Variants in PREP observed in about 807,000 individuals in gnomAD.
PREP encodes the protein prolyl endopeptidase, also known as dJ355L5.1 (prolyl endopeptidase).
Under a neutral mutation model 87.6 loss-of-function variants are expected in PREP, and 29 were observed. The ratio of observed to expected loss-of-function variants is 0.33; its 90% CI spans 0.25 to 0.45. The LOEUF (loss-of-function observed/expected upper bound fraction) is 0.45, where lower values mean the gene tolerates loss of function less well. PREP is among the 20% of genes least tolerant of loss of function. PREP has a pLI of 1.00. For synonymous variants in PREP, 337 were observed against 328.6 expected, an observed-to-expected ratio of 1.03 and a Z score of -0.28; for missense variants, 695 against 886.5, an observed-to-expected ratio of 0.78 and a Z score of 2.74.
intron 9 of PREP, among the ~76,000 whole-genome samples, chr6:105,327,359 C>T (rs1254551031): frequency 2.6e-5 from 4 of 152,188 alleles, no homozygotes; most frequent in Non-Finnish European, 5.9e-5. Context: ...ACGGTCACTT[C>T]CTGGCTTCTG....
At chr6:105,279,674 AC>A (rs1770031765) in intron 14 of PREP, among the ~76,000 whole-genome samples, 2 of 152,204 alleles carry the variant, frequency 1.3e-5, no homozygotes, top group African/African-American at 4.8e-5. Context: ...TCCCTGTAGG[AC>A]CCTTCCTAGC....
intron 7 of PREP, among the ~76,000 whole-genome samples, chr6:105,349,933 T>G (rs1405676689): frequency 8.9e-6 from 1 of 112,714 alleles, no homozygotes; most frequent in Non-Finnish European, 1.7e-5. Flanking sequence ...GCAAAAAAGA[T>G]CCTAGGAGTT....
chr6:105,402,810 GC>G (rs1562233306), intron 1 of PREP, 36 bp downstream of exon 1: 1 of 1,527,860 alleles, frequency 6.5e-7, no homozygotes, highest in Non-Finnish European at 8.8e-7. Flanking sequence ...GGGCACCTTT[GC>G]CCGGGAGCCC....
chr6:105,304,560 A>T (rs1149312), intron 10 of PREP, among the ~76,000 whole-genome samples: 41,170 of 151,914 alleles, frequency 0.27, 7,501 homozygotes, highest in African/African-American at 0.52. Flanking sequence ...TCCTGAACTC[A>T]CCATGGCACT....
chr6:105,392,629 TAC>T (rs895093161), intron 2 of PREP, among the ~76,000 whole-genome samples: 7 of 152,120 alleles, frequency 4.6e-5, no homozygotes, highest in Admixed American at 3.9e-4. Context: ...TAGGCTGGAG[TAC>T]AGTGACATGA....
chr6:105,383,004 T>C (rs897492623), intron 2 of PREP, among the ~76,000 whole-genome samples: 14 of 152,302 alleles, frequency 9.2e-5, no homozygotes, highest in African/African-American at 2.6e-4. Flanking sequence ...CCTCTCACTT[T>C]AGCAGAATTT....
chr6:105,383,708 G>A (rs539843691), intron 2 of PREP, among the ~76,000 whole-genome samples: 1 of 152,174 alleles, frequency 6.6e-6, no homozygotes, highest in East Asian at 1.9e-4. Context: ...TTCCCTCACT[G>A]GGACTAGTTA....
intron 9 of PREP, 84 bp downstream of exon 9, chr6:105,328,745 T>C (rs1285888387): frequency 5.7e-6 from 8 of 1,414,152 alleles, no homozygotes; most frequent in Admixed American, 5.3e-5. Flanking sequence ...TTCAATAACA[T>C]AGCATTATAC....
chr6:105,300,322 A>G (rs1477080043), intron 10 of PREP, among the ~76,000 whole-genome samples: 4 of 152,226 alleles, frequency 2.6e-5, no homozygotes, highest in African/African-American at 9.6e-5. Flanking sequence ...ATCCTTCTCC[A>G]CACAGTCATT....
rs948747451 is a variant in PREP, at chr6:105,274,345, A to G, written c.*3799T>C. Among the ~76,000 whole-genome samples, 6 of 152,184 alleles carry G rather than the reference A, an allele frequency of 3.9e-5. No individual in the cohort carries two copies. Among genetic ancestry groups the G allele is most frequent in the African/African-American group, 1.4e-4 (6 of 41,446 alleles). On this transcript the variant is annotated 3_prime_UTR_variant, in exon 15 of 15. Coordinates refer to ENST00000652536, the MANE Select transcript of PREP (RefSeq NM_002726.5). The stretch of plus-strand genomic sequence containing the variant: ...TAATATAAAGGCACCAGTCCCATTC[A>G]TGAGGATTCCGCTCTCATGACCCAT...
intron 2 of PREP, among the ~76,000 whole-genome samples, chr6:105,379,158 C>A (rs1187730056): frequency 6.6e-6 from 1 of 152,242 alleles, no homozygotes; most frequent in Non-Finnish European, 1.5e-5. Flanking sequence ...CTGAGTCCCA[C>A]AGAAATACAA....
intron 9 of PREP, among the ~76,000 whole-genome samples, chr6:105,328,059 A>C (rs963982828): frequency 6.6e-6 from 1 of 152,210 alleles, no homozygotes; most frequent in Non-Finnish European, 1.5e-5. Flanking sequence ...CTAGAACCAA[A>C]TAACACCCAT....
intron 10 of PREP, 52 bp from the exon 11 acceptor site, chr6:105,288,946 G>C (rs755913348): frequency 3.7e-5 from 57 of 1,551,966 alleles, no homozygotes; most frequent in Non-Finnish European, 4.9e-5. Context: ...AGTAGATACT[G>C]CGTGCTTTTA....
intron 6 of PREP, among the ~76,000 whole-genome samples, chr6:105,364,015 T>C (rs574134911): frequency 1.3e-5 from 2 of 152,278 alleles, no homozygotes; most frequent in Middle Eastern, 3.4e-3. Flanking sequence ...CCAACAATGA[T>C]AGACCAACAA....
chr6:105,392,867 G>A (rs540669771), intron 2 of PREP, among the ~76,000 whole-genome samples: 7 of 152,162 alleles, frequency 4.6e-5, no homozygotes, highest in Admixed American at 3.3e-4. Context: ...GTGAACCACC[G>A]CAGCCGGCCC....
At position 105,369,761 on chromosome 6, in the gene PREP, A is replaced by G. The variant is rs142147061; in HGVS notation, c.596-737T>C. Reference sequence around the variant, plus strand: ...AAATGGATCACAGACCTGAATGTAAAACATAAAACTATAAAATTCCTAAAT... The same window carrying G: ...AAATGGATCACAGACCTGAATGTAAGACATAAAACTATAAAATTCCTAAAT... On this transcript the variant is annotated intron_variant, in intron 5 of 14. Coordinates refer to ENST00000652536, the MANE Select transcript of PREP (RefSeq NM_002726.5). Among the ~76,000 whole-genome samples the G allele has an allele frequency of 1.2e-3, 188 of 152,336 alleles. 1 individual carries two copies. Among genetic ancestry groups the G allele is most frequent in the African/African-American group, 4.1e-3 (172 of 41,582 alleles).
intron 1 of PREP, among the ~76,000 whole-genome samples, chr6:105,399,543 G>A (rs535653399): frequency 6.6e-6 from 1 of 152,114 alleles, no homozygotes; most frequent in Non-Finnish European, 1.5e-5. Context: ...CATAAAACCC[G>A]ACTAAAGCCT....
At position 105,278,490 on chromosome 6, in the gene PREP, T is replaced by TAA; in HGVS notation, c.1839-53_1839-52insTT. 6.5e-7 allele frequency: 1 copy of TAA among 1,537,358 alleles called. No individual in the cohort carries two copies. Among genetic ancestry groups the TAA allele is most frequent in the East Asian group, 2.3e-5 (1 of 44,284 alleles). On this transcript the variant is annotated intron_variant, in intron 14 of 14. Coordinates refer to ENST00000652536, the MANE Select transcript of PREP (RefSeq NM_002726.5). The surrounding 1 kb of genome is among the most constrained non-coding windows in gnomAD (Gnocchi z 4.2). ...GCTGGAGAGCAACAGTAGAGTTTTA[T>TAA]GGCACAGGGACCTAGGTAGTTAATT...
At chr6:105,338,292 C>T (rs1771531432) in intron 7 of PREP, among the ~76,000 whole-genome samples, 1 of 152,322 alleles carries the variant, frequency 6.6e-6, no homozygotes, top group East Asian at 1.9e-4. Flanking sequence ...TGTTATGACC[C>T]CTCCCTACCC....
Sources: gnomAD v4.1 joint callset for allele counts (sites outside exome capture counted in the v4.1 genomes callset) on GRCh38, gnomAD v4.1.1 for gene constraint, Gnocchi (gnomAD v3.1) non-coding constraint, MANE v1.5 for transcripts, NCBI Gene and HGNC (gene_info 2026-07-23, HGNC 2026-07-21) for gene names.